NUBPL: variants seen among roughly 807,000 people sequenced by gnomAD.
NUBPL encodes the protein iron-sulfur cluster transfer protein NUBPL.
A neutral mutation model predicts 45.7 loss-of-function variants in NUBPL; 31 were observed. The observed-to-expected ratio is 0.68, with a 90% confidence interval of 0.51 to 0.92. The LOEUF (loss-of-function observed/expected upper bound fraction) is 0.92. NUBPL is among the 40% of genes least tolerant of loss of function. The pLI is 0.00. For synonymous variants in NUBPL, 144 were observed against 140.9 expected, an observed-to-expected ratio of 1.02 and a Z score of -0.15; for missense variants, 401 against 398.7, an observed-to-expected ratio of 1.01 and a Z score of -0.05.
chr14:31,818,433 A>G, intron 7 of NUBPL, among the ~76,000 whole-genome samples: 1 of 152,176 alleles, frequency 6.6e-6, no homozygotes, highest in East Asian at 1.9e-4. Flanking sequence ...TCTCACCAGT[A>G]TCTTTGTTTT....
chr14:31,710,790 C>G (rs1217750606), intron 6 of NUBPL, among the ~76,000 whole-genome samples: 1 of 152,176 alleles, frequency 6.6e-6, no homozygotes, highest in Non-Finnish European at 1.5e-5. Context: ...TCCCCATATC[C>G]TAGCTTCAGG....
chr14:31,700,223 C>T (rs1024589102), intron 6 of NUBPL, among the ~76,000 whole-genome samples: 3 of 152,178 alleles, frequency 2.0e-5, no homozygotes, highest in Non-Finnish European at 2.9e-5. Flanking sequence ...TTCTGTCCAG[C>T]GACACAGTAA....
intron 6 of NUBPL, among the ~76,000 whole-genome samples, chr14:31,786,536 A>T (rs1179665041): frequency 6.6e-6 from 1 of 152,168 alleles, no homozygotes; most frequent in Non-Finnish European, 1.5e-5. Context: ...TTATGAGGAT[A>T]GTTATCTGCC....
At chr14:31,728,465 G>C (rs1237421806) in intron 6 of NUBPL, among the ~76,000 whole-genome samples, 2 of 152,124 alleles carry the variant, frequency 1.3e-5, no homozygotes, top group African/African-American at 4.8e-5. Flanking sequence ...TATTTGAAAA[G>C]TATTTACCAA....
At chr14:31,839,644 C>A (rs533183004) in intron 8 of NUBPL, among the ~76,000 whole-genome samples, 127 of 152,258 alleles carry the variant, frequency 8.3e-4, no homozygotes, top group Non-Finnish European at 1.3e-3. Context: ...AGAAAACAAT[C>A]AACAGGGTGA....
intron 7 of NUBPL, among the ~76,000 whole-genome samples, chr14:31,816,532 A>G (rs1354660406): frequency 6.6e-6 from 1 of 151,710 alleles, no homozygotes; most frequent in Non-Finnish European, 1.5e-5. Flanking sequence ...TATCTCCTTC[A>G]GTTCTGCTCT....
At chr14:31,628,527 T>G (rs564855851) in intron 4 of NUBPL, among the ~76,000 whole-genome samples, 3 of 152,208 alleles carry the variant, frequency 2.0e-5, no homozygotes, top group Non-Finnish European at 4.4e-5. Flanking sequence ...TACTTGAAAG[T>G]TTTAATTTTG....
At chr14:31,808,354 G>T (rs1375280995) in intron 7 of NUBPL, among the ~76,000 whole-genome samples, 4 of 152,140 alleles carry the variant, frequency 2.6e-5, no homozygotes, top group African/African-American at 9.7e-5. Flanking sequence ...TTGTCAGTGG[G>T]ATTCCTAGAT....
At chr14:31,591,203 C>T (rs1293168922) in intron 3 of NUBPL, among the ~76,000 whole-genome samples, 1 of 152,162 alleles carries the variant, frequency 6.6e-6, no homozygotes, top group East Asian at 1.9e-4. Flanking sequence ...CACTCTGTCA[C>T]CCAGGCTGGA....
intron 6 of NUBPL, among the ~76,000 whole-genome samples, chr14:31,693,928 T>C (rs2037155346): frequency 1.4e-5 from 2 of 143,754 alleles, no homozygotes. Context: ...TGATCTGGGC[T>C]CACTGTAAGC....
intron 3 of NUBPL, among the ~76,000 whole-genome samples, chr14:31,582,226 A>C (rs1370950198): frequency 6.6e-6 from 1 of 152,004 alleles, no homozygotes; most frequent in Non-Finnish European, 1.5e-5. Flanking sequence ...AATAGGATTA[A>C]TTATGTAAAA....
At chr14:31,717,360 T>C (rs991451024) in intron 6 of NUBPL, among the ~76,000 whole-genome samples, 1 of 152,150 alleles carries the variant, frequency 6.6e-6, no homozygotes, top group Non-Finnish European at 1.5e-5. Flanking sequence ...ACCTCTCACT[T>C]CATATTAAGT....
intron 6 of NUBPL, among the ~76,000 whole-genome samples, chr14:31,757,840 C>CTCTACTTA (rs2038704636): frequency 6.6e-6 from 1 of 152,068 alleles, no homozygotes; most frequent in African/African-American, 2.4e-5. Flanking sequence ...CTAGTCTGAC[C>CTCTACTTA]TCTACTTACC....
intron 7 of NUBPL, among the ~76,000 whole-genome samples, chr14:31,821,919 G>A (rs968232590): frequency 2.6e-5 from 4 of 152,196 alleles, no homozygotes; most frequent in African/African-American, 4.8e-5. Context: ...TATGTTAAGT[G>A]AAATAAGCCT....
At chr14:31,718,620 C>T (rs2037739832) in intron 6 of NUBPL, among the ~76,000 whole-genome samples, 2 of 152,100 alleles carry the variant, frequency 1.3e-5, no homozygotes, top group African/African-American at 4.8e-5. Context: ...GGAGTTATTA[C>T]ATTACTTATA....
intron 8 of NUBPL, among the ~76,000 whole-genome samples, chr14:31,830,559 T>C (rs2040173056): frequency 6.6e-6 from 1 of 152,234 alleles, no homozygotes. Context: ...TCAGACATTA[T>C]TTCTTCTAGA....
intron 3 of NUBPL, among the ~76,000 whole-genome samples, chr14:31,589,810 T>G (rs2034097263): frequency 6.6e-6 from 1 of 152,166 alleles, no homozygotes; most frequent in Non-Finnish European, 1.5e-5. Flanking sequence ...AAATTTCCCA[T>G]TAGAAGCAGT....
intron 4 of NUBPL, among the ~76,000 whole-genome samples, chr14:31,672,591 T>G (rs2036597524): frequency 1.3e-5 from 2 of 152,112 alleles, no homozygotes; most frequent in South Asian, 4.1e-4. Flanking sequence ...GCCTCCTGAA[T>G]AGCTGGGACT....
At chr14:31,701,480 C>T (rs973571783) in intron 6 of NUBPL, among the ~76,000 whole-genome samples, 7 of 152,254 alleles carry the variant, frequency 4.6e-5, no homozygotes, top group African/African-American at 7.2e-5. Flanking sequence ...CTTGGGTCCC[C>T]TTCCGCATGT....
Sources: gnomAD v4.1 joint callset for allele counts (sites outside exome capture counted in the v4.1 genomes callset) on GRCh38, gnomAD v4.1.1 for gene constraint, MANE v1.5 for transcripts, NCBI Gene and HGNC (gene_info 2026-07-23, HGNC 2026-07-21) for gene names.